Variants in DPP10 observed in about 807,000 individuals in gnomAD.
DPP10 encodes the protein inactive dipeptidyl peptidase 10.
A neutral mutation model predicts 120.9 loss-of-function variants in DPP10; 33 were observed. The observed-to-expected ratio is 0.27, with a 90% CI of 0.21 to 0.37. DPP10 has a LOEUF of 0.37. DPP10 is among the 10% of genes least tolerant of loss of function. The probability of loss-of-function intolerance (pLI) is 1.00; values close to 1 mark genes in which losing one functional copy is unlikely to be tolerated. For missense variants in DPP10, 816 were observed against 942.8 expected (o/e 0.87, Z 1.76); for synonymous variants, 337 against 326.1 (o/e 1.03, Z -0.36).
chr2:115,449,664 G>T (rs555380860), intron 3 of DPP10, among the ~76,000 whole-genome samples: 8 of 152,134 alleles, frequency 5.3e-5, no homozygotes, highest in African/African-American at 1.9e-4. Flanking sequence ...TCCTTTGGAG[G>T]CTTGACGGAG....
At chr2:115,244,437 G>A (rs982866069) in intron 1 of DPP10, among the ~76,000 whole-genome samples, 1 of 151,808 alleles carries the variant, frequency 6.6e-6, no homozygotes, top group Non-Finnish European at 1.5e-5. Context: ...TTGCAGTGAA[G>A]AAATTGGAAC....
At chr2:114,695,936 A>G (rs1238633512) in intron 1 of DPP10, among the ~76,000 whole-genome samples, 1 of 152,098 alleles carries the variant, frequency 6.6e-6, no homozygotes, top group Non-Finnish European at 1.5e-5. Flanking sequence ...CCATATTACA[A>G]TGGACTATAT....
At chr2:115,366,351 G>A (rs10181472) in intron 3 of DPP10, among the ~76,000 whole-genome samples, 120,660 of 151,886 alleles carry the variant, frequency 0.79, 48,084 homozygotes, top group Non-Finnish European at 0.83. Context: ...TACCACCACT[G>A]CTGCTATTGA....
At chr2:114,714,873 TAAAC>T (rs987086603) in intron 1 of DPP10, among the ~76,000 whole-genome samples, 8 of 151,728 alleles carry the variant, frequency 5.3e-5, no homozygotes, top group Non-Finnish European at 8.8e-5. Flanking sequence ...ACTGGACAAA[TAAAC>T]AAAGAAAGAA....
chr2:115,279,571 T>C (rs1262279297), intron 1 of DPP10, among the ~76,000 whole-genome samples: 1 of 152,006 alleles, frequency 6.6e-6, no homozygotes, highest in Non-Finnish European at 1.5e-5. Flanking sequence ...GATAGAATCT[T>C]GTCATCAGAC....
At chr2:115,179,150 G>A (rs906530845) in intron 1 of DPP10, among the ~76,000 whole-genome samples, 1 of 152,048 alleles carries the variant, frequency 6.6e-6, no homozygotes, top group Non-Finnish European at 1.5e-5. Context: ...AAAGAAAAGG[G>A]CTATTATTGA....
intron 1 of DPP10, among the ~76,000 whole-genome samples, chr2:114,982,267 T>C (rs1447994728): frequency 2.6e-5 from 4 of 152,352 alleles, no homozygotes; most frequent in African/African-American, 7.2e-5. Context: ...ACTACAAAAA[T>C]AGATTTTAAT....
chr2:115,837,520 A>G (rs1473741520), intron 24 of DPP10, among the ~76,000 whole-genome samples: 1 of 152,204 alleles, frequency 6.6e-6, no homozygotes, highest in Non-Finnish European at 1.5e-5. Flanking sequence ...TATTTCCTAA[A>G]TCTTGAACTT....
chr2:115,773,621 A>G (rs1250415432), intron 13 of DPP10, among the ~76,000 whole-genome samples: 1 of 152,136 alleles, frequency 6.6e-6, no homozygotes, highest in Non-Finnish European at 1.5e-5. Context: ...TGCAGAGATT[A>G]TGGATTCACA....
intron 3 of DPP10, among the ~76,000 whole-genome samples, chr2:115,463,338 A>G (rs183670274): frequency 5.3e-5 from 8 of 152,284 alleles, no homozygotes; most frequent in Admixed American, 2.0e-4. Flanking sequence ...TTTATATTTT[A>G]TGTGATTTAT....
chr2:114,973,047 A>G (rs1699501334), intron 1 of DPP10, among the ~76,000 whole-genome samples: 1 of 152,168 alleles, frequency 6.6e-6, no homozygotes, highest in African/African-American at 2.4e-5. Context: ...ATGAATAGTA[A>G]TATAGTCATA....
intron 5 of DPP10, among the ~76,000 whole-genome samples, chr2:115,663,474 G>C (rs993186831): frequency 6.6e-6 from 1 of 152,076 alleles, no homozygotes; most frequent in Non-Finnish European, 1.5e-5. Flanking sequence ...ATCTTTAAAA[G>C]GTACATAGAC....
intron 1 of DPP10, among the ~76,000 whole-genome samples, chr2:114,725,321 T>C (rs1428374072): frequency 6.6e-6 from 1 of 152,208 alleles, no homozygotes; most frequent in Non-Finnish European, 1.5e-5. Flanking sequence ...CAATTTTGAG[T>C]CTGATATGCT....
intron 1 of DPP10, among the ~76,000 whole-genome samples, chr2:114,628,454 G>T (rs1394160218): frequency 6.6e-6 from 1 of 152,064 alleles, no homozygotes; most frequent in East Asian, 1.9e-4. Flanking sequence ...CATTTTATTA[G>T]AATATTATTT....
At chr2:115,709,237 C>CCGACTGT (rs2092236370) in intron 7 of DPP10, among the ~76,000 whole-genome samples, 1 of 151,974 alleles carries the variant, frequency 6.6e-6, no homozygotes, top group African/African-American at 2.4e-5. Context: ...GATAGGAAAT[C>CCGACTGT]CGACTGTCGT....
At chr2:114,889,476 G>T (rs34779987) in intron 1 of DPP10, among the ~76,000 whole-genome samples, 1 of 103,964 alleles carries the variant, frequency 9.6e-6, no homozygotes, top group Non-Finnish European at 2.4e-5. Flanking sequence ...CATGAACCTA[G>T]CAAAATTATC....
chr2:115,825,995 G>A (rs530549339), intron 21 of DPP10, among the ~76,000 whole-genome samples: 128 of 152,344 alleles, frequency 8.4e-4, no homozygotes, highest in African/African-American at 3.0e-3. Flanking sequence ...TTGTGAAGCA[G>A]GAACAGTTGA....
At chr2:115,245,494 A>T (rs1168053020) in intron 1 of DPP10, among the ~76,000 whole-genome samples, 1 of 152,148 alleles carries the variant, frequency 6.6e-6, no homozygotes, top group Admixed American at 6.6e-5. Context: ...ATTGGCATGG[A>T]TGTGGTGAAA....
intron 1 of DPP10, among the ~76,000 whole-genome samples, chr2:114,839,127 T>A (rs1217939636): frequency 2.0e-5 from 3 of 152,202 alleles, no homozygotes; most frequent in Non-Finnish European, 4.4e-5. Context: ...CAATTAATTG[T>A]TGCCTGCTTT....
Sources: allele counts gnomAD v4.1 joint callset (sites outside exome capture counted in the v4.1 genomes callset), GRCh38; gene constraint gnomAD v4.1.1; transcripts MANE v1.5; gene names NCBI Gene and HGNC (gene_info 2026-07-23, HGNC 2026-07-21).